Variants in ST6GAL2 observed in about 807,000 individuals in gnomAD.
ST6GAL2 encodes the protein beta-galactoside alpha-2,6-sialyltransferase 2.
Under a neutral mutation model 37.5 loss-of-function variants are expected in ST6GAL2, and 24 were observed. That is an observed-to-expected ratio of 0.64 (90% CI 0.46 to 0.90). The LOEUF (loss-of-function observed/expected upper bound fraction) is 0.90, where lower values mean the gene tolerates loss of function less well. Among genes scored for constraint, ST6GAL2 ranks in the 40% least tolerant of loss-of-function variants. ST6GAL2 has a pLI of 0.00. For missense variants in ST6GAL2, 715 were observed against 712.7 expected, an observed-to-expected ratio of 1.00 and a Z score of -0.04; for synonymous variants, 306 against 295.1, an observed-to-expected ratio of 1.04 and a Z score of -0.38.
At chr2:106,866,365 G>A (rs1397955105) in intron 1 of ST6GAL2, among the ~76,000 whole-genome samples, 1 of 152,200 alleles carries the variant, frequency 6.6e-6, no homozygotes. Flanking sequence ...ATGGGAGAGA[G>A]TGGAACGATG....
At chr2:106,842,920 G>T in intron 2 of ST6GAL2, 115 bp downstream of exon 2, 1 of 648,878 alleles carries the variant, frequency 1.5e-6, no homozygotes, top group Non-Finnish European at 2.3e-6. Context: ...GGAACACCTG[G>T]TGCGGAGACC....
intron 1 of ST6GAL2, among the ~76,000 whole-genome samples, chr2:106,877,890 T>C (rs1383178379): frequency 6.6e-6 from 1 of 152,248 alleles, no homozygotes; most frequent in Non-Finnish European, 1.5e-5. Flanking sequence ...GGAACAGTTC[T>C]AAGGAACAGC....
At chr2:106,839,424 C>G (rs1285716821) in intron 2 of ST6GAL2, among the ~76,000 whole-genome samples, 1 of 152,088 alleles carries the variant, frequency 6.6e-6, no homozygotes, top group African/African-American at 2.4e-5. Flanking sequence ...ACCCACAACA[C>G]TGGAATTGTC....
At position 106,802,201 on chromosome 2, in the gene ST6GAL2, A is replaced by G. The variant is rs1411717914; in HGVS notation, c.*4477T>C. The G allele has an allele frequency of 1.3e-5, 2 of 152,224 alleles. No individual in the cohort carries two copies. Among genetic ancestry groups the G allele is most frequent in the South Asian group, 2.1e-4 (1 of 4,814 alleles). 9.4% of individuals were successfully genotyped at this position (152,224 alleles called of 1,614,324 possible). A position where few individuals can be genotyped will look rare whatever the true frequency, so the allele number is the denominator to read the frequency against. The stretch of plus-strand genomic sequence containing the variant: ...ATTTTTTTTCTTTTAACAGAAGGAC[A>G]TATAACATTTGCTTCCTTCTCTCAA... On this transcript the variant is annotated 3_prime_UTR_variant, in exon 6 of 6. Transcript: ENST00000409382.
At chr2:106,867,848 C>T (rs1678100059) in intron 1 of ST6GAL2, among the ~76,000 whole-genome samples, 1 of 152,132 alleles carries the variant, frequency 6.6e-6, no homozygotes, top group African/African-American at 2.4e-5. Flanking sequence ...GACTCAAAGT[C>T]AGGGGATTTC....
chr2:106,838,467 C>G (rs78077015), intron 2 of ST6GAL2, among the ~76,000 whole-genome samples: 15,663 of 152,154 alleles, frequency 0.1, 1,046 homozygotes, highest in Admixed American at 0.13. Context: ...CCCTGGGAGC[C>G]CTGTTTCTCC....
Position 106,843,473 on chromosome 2 carries a change from G to A in ST6GAL2, c.505C>T (p.Gln169Ter), listed in dbSNP as rs1476927983. 1 of 1,613,906 alleles carries A rather than the reference G, an allele frequency of 6.2e-7. No individual in the cohort carries two copies. The highest frequency in any genetic ancestry group is 1.7e-5 in the Admixed American group (1 of 59,998). Residue 169 changes from glutamine to a stop codon, truncating the protein, a stop_gained, in exon 2 of 6, where the codon CAG becomes TAG. Coordinates refer to ENST00000409382, the MANE Select transcript of ST6GAL2 (RefSeq NM_001142351.2). LOFTEE classifies it high-confidence loss of function. ...TGCCTCTTCTTCACCCGCCTCCTCT[G>A]GACCTGTGCAGCCGGAAAAGCCCCC... ...REGAFPAAQV[Q>*]RRRVKKRHRR...
rs145496097 is a variant in ST6GAL2, at chr2:106,877,856, T to C, written c.-58+8237A>G. On this transcript the variant is annotated intron_variant, in intron 1 of 5. Coordinates refer to ENST00000409382, the MANE Select transcript of ST6GAL2 (RefSeq NM_001142351.2). ...TAAAGGAGAAACAAACCAATCAATA[T>C]GGGTATGCCTTTCAGTTCAGTGAGG... 6.0e-4 allele frequency among the ~76,000 whole-genome samples: 91 copies of C among 152,328 alleles called. No homozygotes were observed. The East Asian group carries it at 0.011, about 18-fold the overall frequency.
chr2:106,841,020 C>G (rs911203914), intron 2 of ST6GAL2, among the ~76,000 whole-genome samples: 3 of 152,250 alleles, frequency 2.0e-5, no homozygotes, highest in African/African-American at 4.8e-5. Flanking sequence ...GCAGGCTGCT[C>G]TGCTCTGGCT....
At chr2:106,813,119 T>A (rs1328570604) in intron 5 of ST6GAL2, 1 of 1,253,288 alleles carries the variant, frequency 8.0e-7, no homozygotes, top group Non-Finnish European at 1.0e-6. Flanking sequence ...GGCCAGTTTT[T>A]TTTTTTTTTT....
intron 1 of ST6GAL2, among the ~76,000 whole-genome samples, chr2:106,867,335 T>C (rs1678073054): frequency 6.6e-6 from 1 of 152,216 alleles, no homozygotes; most frequent in Non-Finnish European, 1.5e-5. Context: ...AAAATTTTTG[T>C]CATGATTCCA....
At chr2:106,875,525 A>C (rs992679762) in intron 1 of ST6GAL2, among the ~76,000 whole-genome samples, 6 of 152,164 alleles carry the variant, frequency 3.9e-5, no homozygotes, top group Non-Finnish European at 7.3e-5. Context: ...TTTTGGTATC[A>C]TGGACACATC....
intron 3 of ST6GAL2, among the ~76,000 whole-genome samples, chr2:106,833,741 A>T (rs936377091): frequency 1.3e-5 from 2 of 152,192 alleles, no homozygotes; most frequent in African/African-American, 4.8e-5. Flanking sequence ...TTCTAAATTT[A>T]ACTTTTGTCA....
At chr2:106,851,214 C>T (rs1354207977) in intron 1 of ST6GAL2, among the ~76,000 whole-genome samples, 1 of 152,234 alleles carries the variant, frequency 6.6e-6, no homozygotes, top group East Asian at 1.9e-4. Flanking sequence ...CTGTTCTCTG[C>T]CCTTTCTGGC....
intron 1 of ST6GAL2, among the ~76,000 whole-genome samples, chr2:106,884,938 T>TATATATACACACAC (rs1426798721): frequency 1.6e-5 from 2 of 123,738 alleles, no homozygotes; most frequent in African/African-American, 5.9e-5. Context: ...TATATATACA[T>TATATATACACACAC]ACACACACAC....
At chr2:106,831,362 G>C (rs1479191726) in intron 4 of ST6GAL2, among the ~76,000 whole-genome samples, 1 of 152,206 alleles carries the variant, frequency 6.6e-6, no homozygotes, top group Non-Finnish European at 1.5e-5. Flanking sequence ...TGTGCCCTGG[G>C]CTGAGCTGCT....
chr2:106,872,491 C>T (rs946930719), intron 1 of ST6GAL2, among the ~76,000 whole-genome samples: 1 of 152,198 alleles, frequency 6.6e-6, no homozygotes, highest in Non-Finnish European at 1.5e-5. Flanking sequence ...GTGAGGACAT[C>T]CACACTTAGG....
chr2:106,875,376 C>T (rs1243132269), intron 1 of ST6GAL2, among the ~76,000 whole-genome samples: 1 of 152,046 alleles, frequency 6.6e-6, no homozygotes, highest in Non-Finnish European at 1.5e-5. Context: ...TGGGGTTTCG[C>T]CATGTTGCCC....
chr2:106,868,034 A>C (rs1407601404), intron 1 of ST6GAL2, among the ~76,000 whole-genome samples: 1 of 152,238 alleles, frequency 6.6e-6, no homozygotes, highest in African/African-American at 2.4e-5. Context: ...TACGCTGCTT[A>C]AGAAAGAGCC....
Sources: gnomAD v4.1 joint callset for allele counts (sites outside exome capture counted in the v4.1 genomes callset) on GRCh38, gnomAD v4.1.1 for gene constraint, MANE v1.5 for transcripts, NCBI Gene and HGNC (gene_info 2026-07-23, HGNC 2026-07-21) for gene names.